Variants in ANXA8 observed in about 807,000 individuals in gnomAD.
The protein encoded by ANXA8 is VAC-beta.
ANXA8 carries 9 observed loss-of-function variants against 26.8 expected under a neutral mutation model. The ratio of observed to expected loss-of-function variants is 0.34; its 90% CI spans 0.20 to 0.59. The LOEUF (loss-of-function observed/expected upper bound fraction) is 0.59. Among genes scored for constraint, ANXA8 ranks in the 20% least tolerant of loss-of-function variants. ANXA8 has a pLI of 0.84. For missense variants in ANXA8, 83 were observed against 238.5 expected (o/e 0.35, Z 4.29); for synonymous variants, 39 against 94.8 (o/e 0.41, Z 3.42).
the ANXA8 span, among the ~76,000 whole-genome samples, chr10:47,924,715 TTG>T: frequency 6.6e-6 from 1 of 151,712 alleles, no homozygotes; most frequent in East Asian, 1.9e-4. Flanking sequence ...CTGGAGCTGT[TTG>T]TCTTATCGCT....
the ANXA8 span, among the ~76,000 whole-genome samples, chr10:47,728,917 G>A: frequency 6.6e-6 from 1 of 152,294 alleles, no homozygotes; most frequent in Admixed American, 6.5e-5. Context: ...ACCATGCCCG[G>A]CTAATTTTGT....
chr10:47,693,073 C>T, the ANXA8 span, among the ~76,000 whole-genome samples: 10 of 151,578 alleles, frequency 6.6e-5, no homozygotes, highest in South Asian at 4.2e-4. Context: ...CATTGTGTTA[C>T]GTGTTCTTTG....
chr10:47,474,936 C>T lies in ANXA8; in HGVS notation c.552+9G>A, dbSNP rs1185737057. 168 of 1,533,300 alleles carry T rather than the reference C, an allele frequency of 1.1e-4. 14 individuals carry two copies. The African/African-American group carries it at 2.1e-3, about 19-fold the overall frequency. 95.0% of individuals were successfully genotyped at this position (1,533,300 alleles called of 1,614,324 possible). ...GTGGGGCCACATGGCCGGCTGGGCG[C>T]AGCCTCACCTGTGCGTCTTGGAGGG... is the stretch of plus-strand genomic sequence containing the variant. On this transcript the variant is annotated intron_variant, in intron 7 of 11. Transcript: ENST00000585281.
At chr10:47,502,125 C>T in the ANXA8 span, 1 of 1,574,462 alleles carries the variant, frequency 6.4e-7, no homozygotes, top group Non-Finnish European at 8.6e-7. Flanking sequence ...TTGATGCACT[C>T]CTGGCTGGAG....
chr10:47,668,898 T>G, the ANXA8 span, among the ~76,000 whole-genome samples: 1 of 151,506 alleles, frequency 6.6e-6, no homozygotes, highest in South Asian at 2.1e-4. Context: ...ACCCTTCATG[T>G]CAGCTTCTGA....
the ANXA8 span, among the ~76,000 whole-genome samples, chr10:47,553,172 G>A: frequency 2.0e-3 from 310 of 152,074 alleles, no homozygotes; most frequent in Middle Eastern, 0.01. Flanking sequence ...TTCTTGGTGG[G>A]AAAAGCACAA....
chr10:47,597,671 A>AAG, the ANXA8 span, among the ~76,000 whole-genome samples: 1 of 139,262 alleles, frequency 7.2e-6, no homozygotes, highest in African/African-American at 2.9e-5. Flanking sequence ...CACAGAAAAA[A>AAG]AAAAAAAAGA....
chr10:47,468,626 T>G lies in ANXA8; in HGVS notation c.*221A>C. 2 of 715,680 alleles carry G rather than the reference T, an allele frequency of 2.8e-6. No homozygotes were observed. Among genetic ancestry groups the G allele is most frequent in the Admixed American group, 5.9e-5 (2 of 33,874 alleles). The allele number at this position is 715,680 out of a possible 1,614,324, so 44.3% of individuals were successfully genotyped here. A position where few individuals can be genotyped will look rare whatever the true frequency, so the allele number is the denominator to read the frequency against. On this transcript the variant is annotated 3_prime_UTR_variant, in exon 12 of 12. Coordinates refer to ENST00000585281, the MANE Select transcript of ANXA8 (RefSeq NM_001040084.3). ...GCTGGAGAAACACTAAGGTTGGCATTGTGCTCACACTGGGAAATGACCTGG... is the reference window on the plus strand; with the variant it reads ...GCTGGAGAAACACTAAGGTTGGCATGGTGCTCACACTGGGAAATGACCTGG...
At chr10:47,699,580 C>A in the ANXA8 span, among the ~76,000 whole-genome samples, 1 of 150,832 alleles carries the variant, frequency 6.6e-6, no homozygotes, top group Non-Finnish European at 1.5e-5. Flanking sequence ...TAATTCTAGC[C>A]CTTTGGGAGA....
the ANXA8 span, chr10:47,565,650 G>A: frequency 2.8e-6 from 1 of 362,872 alleles, no homozygotes; most frequent in African/African-American, 2.1e-5. Flanking sequence ...GCGGCTGCCG[G>A]GCCCTGGCCA....
At chr10:47,493,431 C>G in the ANXA8 span, among the ~76,000 whole-genome samples, 2 of 149,456 alleles carry the variant, frequency 1.3e-5, no homozygotes, top group Non-Finnish European at 2.9e-5. Flanking sequence ...GGGATTCTCC[C>G]TGGACCTGTC....
At chr10:47,918,376 AGAGAGAG>A in the ANXA8 span, among the ~76,000 whole-genome samples, 15 of 17,696 alleles carry the variant, frequency 8.5e-4, 1 homozygote, top group Admixed American at 3.7e-3. Flanking sequence ...AGAGAGAGAG[AGAGAGAG>A]AGAAAGAAAG....
At chr10:47,576,826 A>T in the ANXA8 span, among the ~76,000 whole-genome samples, 6 of 141,296 alleles carry the variant, frequency 4.2e-5, no homozygotes, top group African/African-American at 1.1e-4. Flanking sequence ...GCCTAGAGAG[A>T]TTTTTTTAAG....
the ANXA8 span, among the ~76,000 whole-genome samples, chr10:47,742,914 G>T: frequency 7.0e-6 from 1 of 143,368 alleles, no homozygotes; most frequent in Non-Finnish European, 1.5e-5. Context: ...CAGCACTTTG[G>T]GAGGCTGAGG....
chr10:47,485,002 C>T (rs1199238926), upstream of ANXA8, among the ~76,000 whole-genome samples: 10 of 147,352 alleles, frequency 6.8e-5, no homozygotes, highest in East Asian at 6.8e-4. Flanking sequence ...ACCTGGCCGC[C>T]GCCATCCCCA....
chr10:47,653,450 C>T, the ANXA8 span, among the ~76,000 whole-genome samples: 8 of 151,472 alleles, frequency 5.3e-5, no homozygotes, highest in South Asian at 4.2e-4. Flanking sequence ...ATATGAGAGG[C>T]GAGGAAAAGT....
the ANXA8 span, among the ~76,000 whole-genome samples, chr10:47,735,433 T>C: frequency 2.7e-5 from 4 of 148,518 alleles, no homozygotes; most frequent in African/African-American, 7.6e-5. Context: ...TATGGATGAA[T>C]GAAAGTGAGA....
the ANXA8 span, among the ~76,000 whole-genome samples, chr10:47,894,555 C>A: frequency 6.9e-6 from 1 of 145,402 alleles, no homozygotes; most frequent in Non-Finnish European, 1.5e-5. Context: ...AATATACCCC[C>A]CTCACACACC....
chr10:47,973,969 G>A, the ANXA8 span, among the ~76,000 whole-genome samples: 1 of 150,674 alleles, frequency 6.6e-6, no homozygotes, highest in African/African-American at 2.4e-5. Flanking sequence ...GTCTAGTCAG[G>A]GTATCAGTCT....
Sources: gnomAD v4.1 joint callset for allele counts (sites outside exome capture counted in the v4.1 genomes callset) on GRCh38, gnomAD v4.1.1 for gene constraint, MANE v1.5 for transcripts, NCBI Gene and HGNC (gene_info 2026-07-23, HGNC 2026-07-21) for gene names.